CUL4A: variants seen among roughly 807,000 people sequenced by gnomAD.
CUL4A encodes the protein cullin-4A.
Under a neutral mutation model 95.5 loss-of-function variants are expected in CUL4A, and 16 were observed. The ratio of observed to expected loss-of-function variants is 0.17; its 90% CI spans 0.11 to 0.25. The LOEUF is 0.25. Ranked by LOEUF, CUL4A falls within the 10% of genes least tolerant of loss-of-function variation. The pLI is 1.00. For missense variants in CUL4A, 610 were observed against 937.0 expected, an observed-to-expected ratio of 0.65 and a Z score of 4.56; for synonymous variants, 380 against 353.1, an observed-to-expected ratio of 1.08 and a Z score of -0.85.
intron 8 of CUL4A, among the ~76,000 whole-genome samples, chr13:113,236,075 G>A (rs2041533941): frequency 1.3e-5 from 2 of 152,150 alleles, no homozygotes; most frequent in African/African-American, 4.8e-5. Flanking sequence ...ACTCAGCAGA[G>A]AAAACAGGAG....
chr13:113,251,544 G>A (rs570702373), intron 15 of CUL4A, among the ~76,000 whole-genome samples: 20 of 152,258 alleles, frequency 1.3e-4, no homozygotes, highest in South Asian at 2.1e-4. Context: ...GGGAGGGCCC[G>A]GGTGGGAAGC....
intron 8 of CUL4A, 66 bp from the exon 9 acceptor site, chr13:113,236,757 T>C: frequency 2.7e-6 from 3 of 1,094,146 alleles, no homozygotes; most frequent in Non-Finnish European, 4.1e-6. Context: ...TGCCCCCATC[T>C]TTTGCAGAGA....
At chr13:113,235,848 A>G (rs1316891667) in intron 8 of CUL4A, among the ~76,000 whole-genome samples, 1 of 151,926 alleles carries the variant, frequency 6.6e-6, no homozygotes, top group Admixed American at 6.6e-5. Flanking sequence ...GCGGGAACCT[A>G]TAGTCCCAGC....
intron 3 of CUL4A, among the ~76,000 whole-genome samples, chr13:113,223,519 T>C (rs1307711217): frequency 6.6e-6 from 1 of 152,200 alleles, no homozygotes; most frequent in African/African-American, 2.4e-5. Context: ...TGTCTCAGCC[T>C]CCCGAGTAGC....
At chr13:113,232,508 C>G (rs1029525134) in intron 5 of CUL4A, among the ~76,000 whole-genome samples, 11 of 152,322 alleles carry the variant, frequency 7.2e-5, no homozygotes, top group African/African-American at 2.6e-4. Flanking sequence ...TTGGCCCCTC[C>G]TTAATGGCGT....
chr13:113,256,913 C>CTTTTTTTTTTCTTTT (rs1566372467), intron 18 of CUL4A, among the ~76,000 whole-genome samples: 32 of 77,886 alleles, frequency 4.1e-4, no homozygotes, highest in Non-Finnish European at 5.1e-4. Context: ...TGCTTTGTCC[C>CTTTTTTTTTTCTTTT]TTTTTTTTTT....
chr13:113,240,224 T>G (rs1383750989), intron 10 of CUL4A, among the ~76,000 whole-genome samples: 1 of 152,082 alleles, frequency 6.6e-6, no homozygotes, highest in Non-Finnish European at 1.5e-5. Context: ...TGGAGACATT[T>G]GTGGCTGTCT....
intron 18 of CUL4A, among the ~76,000 whole-genome samples, chr13:113,256,523 C>T (rs1440465265): frequency 1.3e-5 from 2 of 152,168 alleles, no homozygotes; most frequent in Non-Finnish European, 2.9e-5. Context: ...CAGTGTCTGC[C>T]CCCACCTCCA....
chr13:113,257,358 A>G (rs1040640199), intron 18 of CUL4A, among the ~76,000 whole-genome samples: 1 of 152,156 alleles, frequency 6.6e-6, no homozygotes, highest in African/African-American at 2.4e-5. Flanking sequence ...GTATTAGGCC[A>G]TTCTTGTATT....
chr13:113,226,626 T>C (rs1440103885), intron 3 of CUL4A, among the ~76,000 whole-genome samples: 1 of 152,224 alleles, frequency 6.6e-6, no homozygotes, highest in Non-Finnish European at 1.5e-5. Flanking sequence ...ATACACATTC[T>C]AAGAGTCAAG....
chr13:113,258,299 T>C (rs945657256), intron 18 of CUL4A, among the ~76,000 whole-genome samples: 5 of 152,200 alleles, frequency 3.3e-5, no homozygotes, highest in African/African-American at 7.2e-5. Flanking sequence ...CACCAGGTTC[T>C]TTTAATTAAT....
chr13:113,255,889 A>C (rs1250364533), intron 18 of CUL4A, among the ~76,000 whole-genome samples: 1 of 152,148 alleles, frequency 6.6e-6, no homozygotes, highest in African/African-American at 2.4e-5. Flanking sequence ...ATGTGGACTT[A>C]AGTTTTTAAC....
chr13:113,230,405 A>G (rs2041269085), intron 5 of CUL4A, among the ~76,000 whole-genome samples: 2 of 152,138 alleles, frequency 1.3e-5, no homozygotes, highest in South Asian at 4.1e-4. Flanking sequence ...CATCTATACA[A>G]TTTTGGACAC....
At chr13:113,261,720 G>A (rs563834190) in intron 19 of CUL4A, among the ~76,000 whole-genome samples, 1 of 151,590 alleles carries the variant, frequency 6.6e-6, no homozygotes, top group Non-Finnish European at 1.5e-5. Flanking sequence ...AGACCAGGGC[G>A]CCCACTCTGC....
chr13:113,209,565 G>A, upstream of CUL4A: 3 of 920,958 alleles, frequency 3.3e-6, no homozygotes, highest in East Asian at 2.4e-4. Flanking sequence ...GGACCGGGGC[G>A]GGCGGAGCGG....
intron 3 of CUL4A, among the ~76,000 whole-genome samples, chr13:113,224,643 CTT>C (rs2041034377): frequency 6.6e-6 from 1 of 152,282 alleles, no homozygotes; most frequent in Non-Finnish European, 1.5e-5. Context: ...CTTAGAAAGA[CTT>C]TGTGCCTGTT....
rs1381335388 is a variant in CUL4A, at chr13:113,209,636, C to G, written c.9C>G (p.Asp3Glu). The G allele has an allele frequency of 6.4e-6, 7 of 1,088,430 alleles. No homozygotes were observed. Among genetic ancestry groups the G allele is most frequent in the South Asian group, 4.3e-5 (1 of 23,060 alleles). 67.4% of individuals were successfully genotyped at this position (1,088,430 alleles called of 1,614,324 possible). Residue 3 changes from aspartate (D) to glutamate (E), a missense_variant, in exon 1 of 20, where the codon GAC becomes GAG. By Grantham distance (45) the Asp-to-Glu change is conservative. Around this residue, in one of 10 missense-constraint regions of CUL4A, gnomAD observed 168 missense variants for 185.5 expected, o/e 0.91. Transcript: ENST00000375440. MA[D>E]EAPRKGSFSA... Reference sequence around the variant, plus strand: ...GCGGTTCCGGCCCAGCCATGGCGGACGAGGCCCCGCGGAAGGGCAGCTTCT... The same window carrying G: ...GCGGTTCCGGCCCAGCCATGGCGGAGGAGGCCCCGCGGAAGGGCAGCTTCT...
intron 5 of CUL4A, among the ~76,000 whole-genome samples, chr13:113,230,977 T>C (rs947254937): frequency 1.3e-5 from 2 of 152,234 alleles, no homozygotes; most frequent in South Asian, 2.1e-4. Context: ...CTTGCTATGT[T>C]GCCCAGGCTG....
intron 1 of CUL4A, 32 bp from the exon 2 acceptor site, chr13:113,209,941 C>T (rs1277528739): frequency 6.8e-7 from 1 of 1,468,226 alleles, no homozygotes; most frequent in South Asian, 1.3e-5. Flanking sequence ...CGCGGCGCGC[C>T]CTGAGCCGCC....
Sources: gnomAD v4.1 joint callset for allele counts (sites outside exome capture counted in the v4.1 genomes callset) on GRCh38, gnomAD v4.1.1 for gene constraint, gnomAD v4.1.1 regional missense constraint, MANE v1.5 for transcripts, NCBI Gene and HGNC (gene_info 2026-07-23, HGNC 2026-07-21) for gene names.